INPP5A: variants seen among roughly 807,000 people sequenced by gnomAD.
The protein encoded by INPP5A is inositol polyphosphate-5-phosphatase A.
Under a neutral mutation model 65.2 loss-of-function variants are expected in INPP5A, and 14 were observed. The ratio of observed to expected loss-of-function variants is 0.21; its 90% CI spans 0.14 to 0.34. The LOEUF is 0.34. INPP5A is among the 10% of genes least tolerant of loss of function. The pLI is 1.00. For missense variants in INPP5A, 431 were observed against 545.6 expected (o/e 0.79, Z 2.09); for synonymous variants, 207 against 208.3 (o/e 0.99, Z 0.05).
At position 132,749,580 on chromosome 10, in the gene INPP5A, C is replaced by T; in HGVS notation, c.796C>T (p.Leu266Phe). The change falls in exon 10 of 16, where the codon CTC becomes TTC. Residue 266 changes from leucine to phenylalanine, a missense_variant. Coordinates refer to ENST00000368594, the MANE Select transcript of INPP5A (RefSeq NM_005539.5). ...RAADTNEVVK[L>F]IFRESDNDRK... is the part of the protein sequence containing the mutation. ...CGCCGACACCAATGAAGTGGTGAAG[C>T]TCATATTTCGTGAGTCGGACAACGA... The T allele has an allele frequency of 6.2e-7, 1 of 1,613,048 alleles. No homozygotes were observed. Among genetic ancestry groups the T allele is most frequent in the Non-Finnish European group, 8.5e-7 (1 of 1,180,012 alleles).
In INPP5A at chr10:132,663,854, G is replaced by C. The variant is rs73383198; in HGVS notation, c.306+13349G>C. On this transcript the variant is annotated intron_variant, in intron 4 of 15. Coordinates refer to ENST00000368594, the MANE Select transcript of INPP5A (RefSeq NM_005539.5). The surrounding 1 kb of genome is among the most constrained non-coding windows in gnomAD (Gnocchi z 4.5). ...GCGCTCACATCATTCCTCTCCCCCT[G>C]TCGCCGGGTGGGAAATCCGTAACAG... Among the ~76,000 whole-genome samples the C allele has an allele frequency of 0.029, 4,376 of 152,240 alleles. 94 individuals are homozygous for C. Among genetic ancestry groups the C allele is most frequent in the African/African-American group, 0.052 (2,151 of 41,526 alleles).
At chr10:132,619,423 G>A (rs2072083467) in intron 2 of INPP5A, among the ~76,000 whole-genome samples, 3 of 152,178 alleles carry the variant, frequency 2.0e-5, no homozygotes, top group Admixed American at 2.0e-4. Context: ...GCTTTGCAGG[G>A]TTCAGCCCCC....
chr10:132,646,584 T>TC (rs2072497529), intron 3 of INPP5A, among the ~76,000 whole-genome samples: 1 of 152,158 alleles, frequency 6.6e-6, no homozygotes, highest in South Asian at 2.1e-4. Context: ...TGCTGTATTT[T>TC]CCCGAGGCCG....
chr10:132,568,123 G>A (rs1271330461), intron 1 of INPP5A, among the ~76,000 whole-genome samples: 2 of 150,974 alleles, frequency 1.3e-5, no homozygotes, highest in East Asian at 2.0e-4. Flanking sequence ...CCTAGGAGGT[G>A]GAGGTTACGG....
At chr10:132,544,124 G>A (rs2070938886) in intron 1 of INPP5A, among the ~76,000 whole-genome samples, 1 of 152,242 alleles carries the variant, frequency 6.6e-6, no homozygotes, top group East Asian at 1.9e-4. Context: ...TGGCGCCCCT[G>A]GGCTCAGGCT....
chr10:132,751,863 CTCTGGATGGAGGCGGGTGCCTAGGAGGTG>C (rs1846486412), intron 11 of INPP5A, among the ~76,000 whole-genome samples: 4 of 43,968 alleles, frequency 9.1e-5, no homozygotes, highest in South Asian at 8.7e-4. Flanking sequence ...CCCAGGAGGT[CTCTGGATGGAGGCGGGTGCCTAGGAGGTG>C]TCTGGGTGGA....
chr10:132,661,986 G>C (rs1255085153), intron 4 of INPP5A, among the ~76,000 whole-genome samples: 1 of 152,160 alleles, frequency 6.6e-6, no homozygotes, highest in Non-Finnish European at 1.5e-5. Flanking sequence ...CACTTCAATT[G>C]TTACTTGAAA....
intron 9 of INPP5A, among the ~76,000 whole-genome samples, chr10:132,733,790 G>A (rs1846128457): frequency 6.6e-6 from 1 of 152,218 alleles, no homozygotes; most frequent in South Asian, 2.1e-4. Context: ...GCCGGCCTCT[G>A]CACCTGAACA....
At chr10:132,588,312 C>T (rs1011576115) in intron 1 of INPP5A, among the ~76,000 whole-genome samples, 1 of 152,222 alleles carries the variant, frequency 6.6e-6, no homozygotes, top group Non-Finnish European at 1.5e-5. Flanking sequence ...TGAGAGAAAA[C>T]TGAATTTCGA....
intron 1 of INPP5A, among the ~76,000 whole-genome samples, chr10:132,543,278 T>C (rs2070929671): frequency 6.6e-6 from 1 of 151,772 alleles, no homozygotes; most frequent in Non-Finnish European, 1.5e-5. Flanking sequence ...AGTTTTCCTC[T>C]CTGTGGATTT....
intron 8 of INPP5A, among the ~76,000 whole-genome samples, chr10:132,710,774 G>A (rs1185330721): frequency 7.0e-6 from 1 of 143,316 alleles, no homozygotes; most frequent in Admixed American, 6.8e-5. Flanking sequence ...GAGTGGAGAG[G>A]TAGGTGTGCT....
chr10:132,721,010 A>G (rs1181237458), intron 8 of INPP5A, among the ~76,000 whole-genome samples: 560 of 50,360 alleles, frequency 0.011, no homozygotes, highest in Middle Eastern at 0.022. Context: ...ACCTTAGACG[A>G]CTGTCTTCAG....
Position 132,547,895 on chromosome 10 carries a change from G to T in INPP5A, c.75+9724G>T, listed in dbSNP as rs1297731593. ...CAGCAGCGTCTGGGGTGGGGACCAT[G>T]GTGTCTTTTTTAATTTTTTTTTTTT... On this transcript the variant is annotated intron_variant, in intron 1 of 15. Coordinates refer to ENST00000368594, the MANE Select transcript of INPP5A (RefSeq NM_005539.5). The surrounding 1 kb of genome is among the most constrained non-coding windows in gnomAD (Gnocchi z 5.5). Among the ~76,000 whole-genome samples, 1 of 151,658 alleles carries T rather than the reference G, an allele frequency of 6.6e-6. No homozygotes were observed. Among genetic ancestry groups the T allele is most frequent in the African/African-American group, 2.4e-5 (1 of 41,226 alleles).
At chr10:132,635,983 C>CAAAAAAAAA (rs202003054) in intron 2 of INPP5A, among the ~76,000 whole-genome samples, 2 of 49,246 alleles carry the variant, frequency 4.1e-5, no homozygotes, top group African/African-American at 1.2e-4. Context: ...ATCTCAAAGA[C>CAAAAAAAAA]AAAAAAAAAA....
intron 1 of INPP5A, among the ~76,000 whole-genome samples, chr10:132,588,785 G>A (rs998245575): frequency 6.6e-6 from 1 of 152,186 alleles, no homozygotes; most frequent in Admixed American, 6.5e-5. Context: ...TTCTTGGAGT[G>A]TGGGTTGTGG....
intron 1 of INPP5A, among the ~76,000 whole-genome samples, chr10:132,563,514 A>G (rs1291388574): frequency 3.9e-5 from 6 of 152,210 alleles, no homozygotes; most frequent in African/African-American, 9.7e-5. Flanking sequence ...TAGAATGTAT[A>G]CAGGGTAGGA....
At chr10:132,709,023 C>T (rs763527785) in intron 7 of INPP5A, among the ~76,000 whole-genome samples, 8 of 151,730 alleles carry the variant, frequency 5.3e-5, no homozygotes, top group Non-Finnish European at 8.8e-5. Context: ...TGTAACAGAC[C>T]GCCCTAAACT....
intron 11 of INPP5A, among the ~76,000 whole-genome samples, chr10:132,756,752 C>CTCAGGCAGGTCCT (rs1320352670): frequency 1.3e-5 from 2 of 152,366 alleles, no homozygotes; most frequent in Admixed American, 1.3e-4. Flanking sequence ...TGTAAACAGC[C>CTCAGGCAGGTCCT]TCAGGCAGGT....
At position 132,698,410 on chromosome 10, in the gene INPP5A, G is replaced by T. The variant is rs561007148; in HGVS notation, c.474+491G>T. On this transcript the variant is annotated intron_variant, in intron 6 of 15. Coordinates refer to ENST00000368594, the MANE Select transcript of INPP5A (RefSeq NM_005539.5). This position sits in a 1 kb window ranked among gnomAD's most constrained non-coding sequence, Gnocchi z 5.5. ...CCCGGCAGTTATGCCTGCGTCACAC[G>T]GAGAGATTAGAATCAAAATGTGTGG... Among the ~76,000 whole-genome samples the T allele has an allele frequency of 6.6e-6, 1 of 152,226 alleles. No homozygotes were observed. Among genetic ancestry groups the T allele is most frequent in the Non-Finnish European group, 1.5e-5 (1 of 68,034 alleles).
Sources: allele counts gnomAD v4.1 joint callset (sites outside exome capture counted in the v4.1 genomes callset), GRCh38; gene constraint gnomAD v4.1.1; non-coding constraint Gnocchi (gnomAD v3.1); transcripts MANE v1.5; gene names NCBI Gene and HGNC (gene_info 2026-07-23, HGNC 2026-07-21).